Variants in SEPTIN11 observed in about 807,000 individuals in gnomAD.
SEPTIN11 encodes septin-11.
A neutral mutation model predicts 51.4 loss-of-function variants in SEPTIN11; 25 were observed. That is an observed-to-expected ratio of 0.49 (90% CI 0.35 to 0.68). The LOEUF (loss-of-function observed/expected upper bound fraction) is 0.68, where lower values mean the gene tolerates loss of function less well. Ranked by LOEUF, SEPTIN11 falls within the 30% of genes least tolerant of loss-of-function variation. SEPTIN11 has a pLI of 0.00. For missense variants in SEPTIN11, 381 were observed against 520.8 expected, an observed-to-expected ratio of 0.73 and a Z score of 2.61; for synonymous variants, 174 against 184.1, an observed-to-expected ratio of 0.95 and a Z score of 0.44.
At chr4:76,959,966 C>T (rs1037129197) in intron 1 of SEPTIN11, among the ~76,000 whole-genome samples, 1 of 152,110 alleles carries the variant, frequency 6.6e-6, no homozygotes, top group African/African-American at 2.4e-5. Flanking sequence ...TGTCCATCAC[C>T]TCAAGCATTT....
At chr4:76,979,547 C>A (rs1379990309) in intron 1 of SEPTIN11, among the ~76,000 whole-genome samples, 2 of 152,084 alleles carry the variant, frequency 1.3e-5, no homozygotes, top group Admixed American at 1.3e-4. Context: ...CCAATAGTAT[C>A]TACTTCACAA....
chr4:77,005,630 A>C lies in SEPTIN11; in HGVS notation c.172A>C (p.Met58Leu). The stretch of plus-strand genomic sequence containing the variant: ...GACAGGCATTGGCAAATCCACGTTA[A>C]TGGACACTTTGTTCAACACCAAATT... ...GETGIGKSTLMDTLFNTKFES... is the reference protein window; with the variant it reads ...GETGIGKSTLLDTLFNTKFES... Residue 58 changes from methionine (M) to leucine (L), a missense_variant, in exon 3 of 10, where the codon ATG (methionine) becomes CTG (leucine). Physicochemically the swap from Met to Leu is conservative, Grantham distance 15. This residue lies in a region of SEPTIN11 where 184 missense variants were observed against 207.7 expected (regional missense o/e 0.89). Transcript: ENST00000264893. The C allele has an allele frequency of 2.5e-6, 4 of 1,613,954 alleles. No homozygotes were observed. Among genetic ancestry groups the C allele is most frequent in the Non-Finnish European group, 3.4e-6 (4 of 1,179,904 alleles).
Position 76,949,814 on chromosome 4 carries a change from C to A in SEPTIN11, c.-90C>A. On this transcript the variant is annotated 5_prime_UTR_variant, in exon 1 of 10. Transcript: ENST00000264893. ...GCAGAGCGCAGCCGCGAGGGAGGCG[C>A]GAGGGAGGCGAGCCGGAGCCCGAGC... 3 of 1,394,794 alleles carry A rather than the reference C, an allele frequency of 2.2e-6. No individual in the cohort carries two copies. The highest frequency in any genetic ancestry group is 1.5e-5 in the African/African-American group (1 of 66,372). The allele number at this position is 1,394,794 out of a possible 1,614,324, so 86.4% of individuals were successfully genotyped here. A position where few individuals can be genotyped will look rare whatever the true frequency, so the allele number is the denominator to read the frequency against.
At chr4:76,955,939 G>T (rs1721540586) in intron 1 of SEPTIN11, among the ~76,000 whole-genome samples, 1 of 152,164 alleles carries the variant, frequency 6.6e-6, no homozygotes, top group African/African-American at 2.4e-5. Flanking sequence ...GGGGAAGATG[G>T]TAGGACTCTT....
At chr4:76,997,343 A>G (rs1298078658) in intron 2 of SEPTIN11, among the ~76,000 whole-genome samples, 5 of 152,230 alleles carry the variant, frequency 3.3e-5, no homozygotes, top group Non-Finnish European at 2.9e-5. Flanking sequence ...TAAGCTTGGC[A>G]GAATGTGTCA....
At chr4:76,978,140 AACCTTAATCTGT>A (rs1410498401) in intron 1 of SEPTIN11, among the ~76,000 whole-genome samples, 1 of 152,182 alleles carries the variant, frequency 6.6e-6, no homozygotes, top group Non-Finnish European at 1.5e-5. Flanking sequence ...TAGGCTGCCT[AACCTTAATCTGT>A]ACTCTCTGGG....
In SEPTIN11 at chr4:77,035,186, T is replaced by C; in HGVS notation, c.*674T>C. ...TCCTGGCCAAGTTGGAGTAGACTGGTATGAGAAAACTATGATTAGTTCACA... is the reference window on the plus strand; with the variant it reads ...TCCTGGCCAAGTTGGAGTAGACTGGCATGAGAAAACTATGATTAGTTCACA... On this transcript the variant is annotated 3_prime_UTR_variant, in exon 10 of 10. Transcript: ENST00000264893. The C allele has an allele frequency of 1.0e-6, 1 of 985,454 alleles. No homozygotes were observed. Among genetic ancestry groups the C allele is most frequent in the Non-Finnish European group, 1.2e-6 (1 of 829,942 alleles). The allele number at this position is 985,454 out of a possible 1,614,324, so 61.0% of individuals were successfully genotyped here.
At chr4:77,018,665 T>G (rs888227801) in intron 5 of SEPTIN11, among the ~76,000 whole-genome samples, 1 of 151,288 alleles carries the variant, frequency 6.6e-6, no homozygotes, top group African/African-American at 2.4e-5. Context: ...AAAAGATACT[T>G]TATCTTTAAT....
Position 77,006,899 on chromosome 4 carries a change from C to G in SEPTIN11, c.338+1103C>G, listed in dbSNP as rs78123332. ...ATGTTTAATTCATTCTTTAGCTGAG[C>G]ACCAAGCTCTTTATTTTATCTACAA... On this transcript the variant is annotated intron_variant, in intron 3 of 9. Coordinates refer to ENST00000264893, the MANE Select transcript of SEPTIN11 (RefSeq NM_018243.4). Among the ~76,000 whole-genome samples the G allele has an allele frequency of 1.3e-3, 199 of 152,324 alleles. 2 individuals carry two copies. The East Asian group carries it at 0.035, about 27-fold the overall frequency.
At chr4:77,039,044 T>C (rs1394008740), downstream of SEPTIN11, 20 of 1,267,832 alleles carry the variant, frequency 1.6e-5, no homozygotes, top group African/African-American at 3.1e-5. Context: ...CAAATTTGAA[T>C]CTGAACCTTT....
At chr4:76,986,618 TCA>T (rs1335817222) in intron 1 of SEPTIN11, among the ~76,000 whole-genome samples, 1 of 152,200 alleles carries the variant, frequency 6.6e-6, no homozygotes, top group African/African-American at 2.4e-5. Context: ...TGTCTTGACT[TCA>T]CATGTTGGGC....
chr4:76,980,254 C>T (rs1326914884), intron 1 of SEPTIN11, among the ~76,000 whole-genome samples: 2 of 152,154 alleles, frequency 1.3e-5, no homozygotes, highest in African/African-American at 4.8e-5. Flanking sequence ...GTATGAGGTA[C>T]ATTTATTGGT....
chr4:76,950,709 G>T (rs1307171222), intron 1 of SEPTIN11, among the ~76,000 whole-genome samples: 12 of 152,178 alleles, frequency 7.9e-5, no homozygotes, highest in Non-Finnish European at 1.6e-4. Context: ...GTGGGCCAAG[G>T]CGCCGCGCCT....
At chr4:76,956,554 T>C (rs1455610426) in intron 1 of SEPTIN11, among the ~76,000 whole-genome samples, 6 of 152,208 alleles carry the variant, frequency 3.9e-5, no homozygotes, top group South Asian at 2.1e-4. Context: ...CTGCATTGCC[T>C]CCAGGACCCA....
At chr4:77,010,214 T>C (rs1724765411) in intron 3 of SEPTIN11, among the ~76,000 whole-genome samples, 1 of 152,186 alleles carries the variant, frequency 6.6e-6, no homozygotes, top group African/African-American at 2.4e-5. Context: ...CAGAGAGGTT[T>C]AGTGACTTGC....
intron 5 of SEPTIN11, among the ~76,000 whole-genome samples, chr4:77,016,953 T>G (rs1725354863): frequency 6.6e-6 from 1 of 152,040 alleles, no homozygotes; most frequent in Admixed American, 6.6e-5. Flanking sequence ...ATCAGAGATT[T>G]GAGCACCTGC....
intron 1 of SEPTIN11, among the ~76,000 whole-genome samples, chr4:76,968,674 A>C (rs1722125720): frequency 6.6e-6 from 1 of 152,178 alleles, no homozygotes; most frequent in Admixed American, 6.5e-5. Context: ...AACCTTTTTA[A>C]GAAGCAAAAA....
intron 7 of SEPTIN11, among the ~76,000 whole-genome samples, chr4:77,027,194 G>A (rs1726222307): frequency 6.6e-6 from 1 of 152,186 alleles, no homozygotes; most frequent in South Asian, 2.1e-4. Context: ...GGAGTGCAAT[G>A]GCATGGTCTC....
Position 77,024,325 on chromosome 4 carries a change from C to T in SEPTIN11, c.953+3655C>T, listed in dbSNP as rs1173519909. 6.6e-6 allele frequency among the ~76,000 whole-genome samples: 1 copy of T among 152,102 alleles called. No individual in the cohort carries two copies. Among genetic ancestry groups the T allele is most frequent in the Non-Finnish European group, 1.5e-5 (1 of 68,024 alleles). On this transcript the variant is annotated intron_variant, in intron 7 of 9. Transcript: ENST00000264893. This position sits in a 1 kb window ranked among gnomAD's most constrained non-coding sequence, Gnocchi z 4.2. ...ACATTCATCTGCTCTTTCCCAAGCC[C>T]ATCTTTATCCGCCCCCTGTGCATGC...
Sources: gnomAD v4.1 joint callset for allele counts (sites outside exome capture counted in the v4.1 genomes callset) on GRCh38, gnomAD v4.1.1 for gene constraint, gnomAD v4.1.1 regional missense constraint, Gnocchi (gnomAD v3.1) non-coding constraint, MANE v1.5 for transcripts, NCBI Gene and HGNC (gene_info 2026-07-23, HGNC 2026-07-21) for gene names.